Variants in ARMC2 observed in about 807,000 individuals in gnomAD.
ARMC2 encodes the protein armadillo repeat-containing protein 2.
Under a neutral mutation model 90.3 loss-of-function variants are expected in ARMC2, and 67 were observed. The ratio of observed to expected loss-of-function variants is 0.74; its 90% CI spans 0.61 to 0.91. ARMC2 has a LOEUF of 0.91. Among genes scored for constraint, ARMC2 ranks in the 40% least tolerant of loss-of-function variants. The pLI is 0.00. For synonymous variants in ARMC2, 393 were observed against 393.0 expected, an observed-to-expected ratio of 1.00 and a Z score of 0.00; for missense variants, 920 against 1,030.9, an observed-to-expected ratio of 0.89 and a Z score of 1.47.
chr6:108,898,889 C>T (rs1001177998), intron 6 of ARMC2, among the ~76,000 whole-genome samples: 4 of 152,168 alleles, frequency 2.6e-5, no homozygotes, highest in African/African-American at 9.7e-5. Context: ...GCAGCATCTA[C>T]TCTTGATGGC....
In ARMC2 at chr6:108,855,808, G is replaced by A. The variant is rs80090304; in HGVS notation, c.218+1323G>A. Among the ~76,000 whole-genome samples, 621 of 152,284 alleles carry A rather than the reference G, an allele frequency of 4.1e-3. 2 individuals carry two copies. The highest frequency in any genetic ancestry group is 0.014 in the African/African-American group (582 of 41,560). ...GTTTTAAGTTACTTTCCCTGGACAT[G>A]TGATGTGGAGCATCTTTTTATATAC... On this transcript the variant is annotated intron_variant, in intron 2 of 17. Transcript: ENST00000392644.
At chr6:108,949,317 C>CGAAT (rs1010964748) in intron 12 of ARMC2, among the ~76,000 whole-genome samples, 32 of 152,244 alleles carry the variant, frequency 2.1e-4, no homozygotes, top group African/African-American at 7.2e-4. Context: ...TAGCTTTATT[C>CGAAT]AGGTTAAAGA....
At chr6:108,894,001 A>C (rs759454622) in intron 5 of ARMC2, among the ~76,000 whole-genome samples, 6 of 152,152 alleles carry the variant, frequency 3.9e-5, no homozygotes, top group Non-Finnish European at 7.4e-5. Context: ...AAAACACAAA[A>C]ACAAAAACAA....
chr6:108,932,797 G>C (rs1403621364), intron 11 of ARMC2, among the ~76,000 whole-genome samples: 1 of 152,000 alleles, frequency 6.6e-6, no homozygotes, highest in Non-Finnish European at 1.5e-5. Context: ...CAAAGTGCTG[G>C]GATTACAGGC....
At chr6:108,894,671 T>C in intron 6 of ARMC2, 128 bp downstream of exon 6, 1 of 730,408 alleles carries the variant, frequency 1.4e-6, no homozygotes, top group Non-Finnish European at 2.1e-6. Flanking sequence ...AAATCAACAT[T>C]TATTTTTATA....
the ARMC2 span, chr6:109,009,557 G>T: frequency 4.1e-6 from 4 of 969,444 alleles, no homozygotes; most frequent in Non-Finnish European, 4.7e-6. Flanking sequence ...ACGGACGGCG[G>T]GGGGGCGGGG....
the ARMC2 span, among the ~76,000 whole-genome samples, chr6:108,996,698 T>C: frequency 6.6e-6 from 1 of 152,176 alleles, no homozygotes; most frequent in African/African-American, 2.4e-5. Flanking sequence ...AAAACTCTTT[T>C]TTCTTTCCCT....
the ARMC2 span, among the ~76,000 whole-genome samples, chr6:109,027,099 GGT>G: frequency 1.3e-5 from 2 of 152,124 alleles, no homozygotes; most frequent in African/African-American, 2.4e-5. Context: ...GAATCTGGGA[GGT>G]GTAGGTTGCA....
the ARMC2 span, among the ~76,000 whole-genome samples, chr6:109,009,731 G>C: frequency 5.9e-5 from 9 of 152,098 alleles, no homozygotes; most frequent in African/African-American, 2.2e-4. Context: ...AATCACCTTG[G>C]GGGCCCAGGT....
At chr6:109,009,587 G>T in the ARMC2 span, 1 of 1,064,944 alleles carries the variant, frequency 9.4e-7, no homozygotes, top group East Asian at 6.9e-5. Context: ...CAAACAAGCC[G>T]CGCGGCCCCG....
the ARMC2 span, chr6:108,994,377 T>C: frequency 2.9e-5 from 33 of 1,137,208 alleles, no homozygotes; most frequent in Non-Finnish European, 3.9e-5. Context: ...CATATTTAGA[T>C]TGATGCTTTA....
intron 13 of ARMC2, among the ~76,000 whole-genome samples, chr6:108,955,597 C>T (rs772392834): frequency 2.0e-4 from 30 of 152,098 alleles, no homozygotes; most frequent in Admixed American, 3.3e-4. Context: ...TCTTGAGAAA[C>T]GACTCTTCAC....
intron 10 of ARMC2, among the ~76,000 whole-genome samples, chr6:108,921,899 T>G (rs748274570): frequency 6.6e-6 from 1 of 152,196 alleles, no homozygotes; most frequent in Non-Finnish European, 1.5e-5. Context: ...AAAATGCTTT[T>G]AGAGACCAGT....
chr6:108,945,692 G>A lies in ARMC2; in HGVS notation c.1597-7341G>A, dbSNP rs75455375. Among the ~76,000 whole-genome samples the A allele has an allele frequency of 3.3e-4, 51 of 152,344 alleles. No individual in the cohort carries two copies. The East Asian group carries it at 7.3e-3, about 22-fold the overall frequency. On this transcript the variant is annotated intron_variant, in intron 12 of 17. Coordinates refer to ENST00000392644, the MANE Select transcript of ARMC2 (RefSeq NM_032131.6). ...ATGTATGCACAGTGAACACTGATTT[G>A]GAATGCTTAGCCATCGTGGTATCAG...
chr6:108,887,292 T>C (rs2128449820), intron 5 of ARMC2, among the ~76,000 whole-genome samples: 1 of 152,306 alleles, frequency 6.6e-6, no homozygotes. Flanking sequence ...GTCCACATGA[T>C]TGACTCATGG....
chr6:108,904,662 AAG>A lies in ARMC2; in HGVS notation c.1023+259_1023+260del, dbSNP rs1283481620. Among the ~76,000 whole-genome samples, 16 of 139,208 alleles carry A rather than the reference AAG, an allele frequency of 1.1e-4. No individual in the cohort carries two copies. The East Asian group carries it at 1.2e-3, about 11-fold the overall frequency. The allele number at this position is 139,208 out of a possible 152,430, so 91.3% of individuals were successfully genotyped here. A position where few individuals can be genotyped will look rare whatever the true frequency, so the allele number is the denominator to read the frequency against. On this transcript the variant is annotated intron_variant, in intron 8 of 17. Transcript: ENST00000392644. The stretch of plus-strand genomic sequence containing the variant: ...CAACTAAGTTAAAAAAAAAAAAAAG[AAG>A]AAGAAGAAGGAAGGAAGGAAAGGCA...
intron 5 of ARMC2, among the ~76,000 whole-genome samples, chr6:108,884,803 G>A (rs1003905681): frequency 2.0e-5 from 3 of 152,182 alleles, no homozygotes; most frequent in Non-Finnish European, 4.4e-5. Context: ...CGAATGGGGA[G>A]AGGAGAGCCT....
chr6:109,051,612 T>C, the ARMC2 span, among the ~76,000 whole-genome samples: 1 of 152,202 alleles, frequency 6.6e-6, no homozygotes, highest in African/African-American at 2.4e-5. Flanking sequence ...ACTGGTTTTC[T>C]TTTTTTCTGT....
intron 10 of ARMC2, among the ~76,000 whole-genome samples, chr6:108,927,527 G>T (rs187597260): frequency 6.6e-6 from 1 of 150,882 alleles, no homozygotes; most frequent in African/African-American, 2.5e-5. Context: ...TTTGACGAAG[G>T]TAAAGTAGAT....
Sources: allele counts gnomAD v4.1 joint callset (sites outside exome capture counted in the v4.1 genomes callset), GRCh38; gene constraint gnomAD v4.1.1; transcripts MANE v1.5; gene names NCBI Gene and HGNC (gene_info 2026-07-23, HGNC 2026-07-21).